Variants in TSPAN12 observed in about 807,000 individuals in gnomAD.
The protein encoded by TSPAN12 is tetraspanin-12.
In TSPAN12, 19 loss-of-function variants were observed where a neutral mutation model predicts 39.2. That is an observed-to-expected ratio of 0.49 (90% confidence interval 0.34 to 0.71). The LOEUF (loss-of-function observed/expected upper bound fraction) is 0.71, where lower values mean the gene tolerates loss of function less well. Ranked by LOEUF, TSPAN12 falls within the 30% of genes least tolerant of loss-of-function variation. The pLI is 0.01. For missense variants in TSPAN12, 314 were observed against 359.9 expected (o/e 0.87, Z 1.03); for synonymous variants, 119 against 124.8 (o/e 0.95, Z 0.31).
At chr7:120,836,001 A>G (rs945698575) in intron 4 of TSPAN12, among the ~76,000 whole-genome samples, 5 of 152,182 alleles carry the variant, frequency 3.3e-5, no homozygotes, top group African/African-American at 7.2e-5. Flanking sequence ...CTTGGTGTAC[A>G]TTTGAGGTGT....
intron 5 of TSPAN12, among the ~76,000 whole-genome samples, chr7:120,813,602 C>T (rs1229773482): frequency 6.6e-6 from 1 of 152,060 alleles, no homozygotes; most frequent in Non-Finnish European, 1.5e-5. Context: ...ACTCTAATGC[C>T]CATGTTTAAA....
chr7:120,835,689 A>T (rs1212681055), intron 4 of TSPAN12, among the ~76,000 whole-genome samples: 1 of 152,210 alleles, frequency 6.6e-6, no homozygotes, highest in Non-Finnish European at 1.5e-5. Context: ...ATTTAAAAAA[A>T]ATTCAGGTAA....
chr7:120,838,690 G>T, intron 4 of TSPAN12, 87 bp downstream of exon 4: 1 of 1,399,310 alleles, frequency 7.1e-7, no homozygotes, highest in Non-Finnish European at 1.0e-6. Context: ...TGCTATCACT[G>T]CTCCCTAATC....
intron 4 of TSPAN12, among the ~76,000 whole-genome samples, chr7:120,827,399 CATAA>C (rs1220581161): frequency 6.6e-6 from 1 of 151,994 alleles, no homozygotes; most frequent in Admixed American, 6.6e-5. Context: ...GTTCCTAAAC[CATAA>C]ATATTTTTAT....
intron 7 of TSPAN12, among the ~76,000 whole-genome samples, chr7:120,802,532 TG>T (rs1231610451): frequency 6.6e-6 from 1 of 152,172 alleles, no homozygotes; most frequent in Non-Finnish European, 1.5e-5. Flanking sequence ...GTTAAACGTA[TG>T]TATCCGTAAC....
At position 120,788,403 on chromosome 7, in the gene TSPAN12, A is replaced by G; in HGVS notation, c.*189T>C. 1.5e-6 allele frequency: 1 copy of G among 661,830 alleles called. No individual in the cohort carries two copies. Among genetic ancestry groups the G allele is most frequent in the African/African-American group, 1.8e-5 (1 of 55,022 alleles). The allele number at this position is 661,830 out of a possible 1,614,324, so 41.0% of individuals were successfully genotyped here. ...CTTCAGCATTTTAAGGGCATCAATT[A>G]TTGTCCAGGTGGTGACTTATGACAT... is the stretch of plus-strand genomic sequence containing the variant. On this transcript the variant is annotated 3_prime_UTR_variant, in exon 8 of 8. Coordinates refer to ENST00000222747, the MANE Select transcript of TSPAN12 (RefSeq NM_012338.4).
intron 7 of TSPAN12, among the ~76,000 whole-genome samples, chr7:120,803,393 G>A (rs766752835): frequency 6.6e-6 from 1 of 151,976 alleles, no homozygotes; most frequent in South Asian, 2.1e-4. Context: ...TTCTCCTTTT[G>A]GAACCCTCAT....
chr7:120,830,105 C>T (rs141998199), intron 4 of TSPAN12, among the ~76,000 whole-genome samples: 49 of 152,038 alleles, frequency 3.2e-4, no homozygotes, highest in African/African-American at 1.1e-3. Context: ...GTTAAAAGAT[C>T]GATATGCTGA....
chr7:120,806,398 C>A lies in TSPAN12; in HGVS notation c.612+151G>T, dbSNP rs1793874392. The A allele has an allele frequency of 1.0e-5, 7 of 696,762 alleles. No homozygotes were observed. The East Asian group carries it at 1.9e-4, about 19-fold the overall frequency. 43.2% of individuals were successfully genotyped at this position (696,762 alleles called of 1,614,324 possible). ...TTTAGATTTTTATATTGTTTTTTAG[C>A]TTTCTTCTGCTTCTCCCCATATTAG... On this transcript the variant is annotated intron_variant, in intron 7 of 7. Coordinates refer to ENST00000222747, the MANE Select transcript of TSPAN12 (RefSeq NM_012338.4).
chr7:120,818,964 A>G (rs1794136849), intron 4 of TSPAN12, among the ~76,000 whole-genome samples: 1 of 152,082 alleles, frequency 6.6e-6, no homozygotes, highest in South Asian at 2.1e-4. Context: ...AAAAAATATT[A>G]TATTTGTATC....
chr7:120,810,607 C>T lies in TSPAN12; in HGVS notation c.361-37G>A, dbSNP rs763875873. ...AAGCAAAATATCAACAGCTGTAGCT[C>T]ACACACAGACACAGATTCACACACA... is the stretch of plus-strand genomic sequence containing the variant. On this transcript the variant is annotated intron_variant, in intron 5 of 7. Coordinates refer to ENST00000222747, the MANE Select transcript of TSPAN12 (RefSeq NM_012338.4). 4 of 964,606 alleles carry T rather than the reference C, an allele frequency of 4.1e-6. No homozygotes were observed. In the South Asian group the frequency reaches 5.2e-5, roughly 13 times the overall value. The allele number at this position is 964,606 out of a possible 1,614,324, so 59.8% of individuals were successfully genotyped here.
At chr7:120,801,412 T>TA (rs1793768293) in intron 7 of TSPAN12, among the ~76,000 whole-genome samples, 2 of 152,232 alleles carry the variant, frequency 1.3e-5, no homozygotes, top group South Asian at 4.1e-4. Context: ...TAAGAATATT[T>TA]AAAACTGTAA....
intron 5 of TSPAN12, among the ~76,000 whole-genome samples, chr7:120,815,130 T>C (rs1794054870): frequency 6.6e-6 from 1 of 152,208 alleles, no homozygotes; most frequent in Non-Finnish European, 1.5e-5. Flanking sequence ...CCTGTGGAAT[T>C]AAAGACATAT....
At chr7:120,833,093 T>C (rs1163771831) in intron 4 of TSPAN12, among the ~76,000 whole-genome samples, 1 of 152,118 alleles carries the variant, frequency 6.6e-6, no homozygotes, top group East Asian at 1.9e-4. Context: ...TTTGTAAAAT[T>C]AGTCTAATAG....
At chr7:120,816,144 C>T (rs117957822) in intron 4 of TSPAN12, among the ~76,000 whole-genome samples, 24 of 152,084 alleles carry the variant, frequency 1.6e-4, no homozygotes, top group Non-Finnish European at 2.5e-4. Context: ...TCAAAGTGGA[C>T]GAGGTGAAGT....
chr7:120,842,670 G>C (rs746244946), intron 2 of TSPAN12, among the ~76,000 whole-genome samples: 15 of 152,122 alleles, frequency 9.9e-5, no homozygotes, highest in Admixed American at 2.0e-4. Flanking sequence ...TTTTTAGAAA[G>C]ATGGGCAGTG....
intron 7 of TSPAN12, among the ~76,000 whole-genome samples, chr7:120,793,360 C>G (rs1413564220): frequency 1.3e-5 from 2 of 152,170 alleles, no homozygotes; most frequent in Admixed American, 1.3e-4. Context: ...TGTAGACATG[C>G]AATTGTATTG....
intron 4 of TSPAN12, among the ~76,000 whole-genome samples, chr7:120,822,143 AC>A (rs1335890040): frequency 6.6e-6 from 1 of 152,082 alleles, no homozygotes. Context: ...CTTGACACCC[AC>A]CTTCCTATTT....
In TSPAN12 at chr7:120,838,901, G is replaced by T; in HGVS notation, c.161C>A (p.Ala54Glu). Residue 54 changes from alanine to glutamate, a missense_variant, in exon 4 of 8, where the codon GCA becomes GAA. Coordinates refer to ENST00000222747, the MANE Select transcript of TSPAN12 (RefSeq NM_012338.4). ...TLTAETRVEE[A>E]VILTYFPVVH... is the part of the protein sequence containing the mutation. Reference sequence around the variant, plus strand: ...CACAGGAAAGTAAGTCAAAATGACTGCTTCCTCTACCCTGAAAGAAGAAAA... The same window carrying T: ...CACAGGAAAGTAAGTCAAAATGACTTCTTCCTCTACCCTGAAAGAAGAAAA... 1 of 1,613,876 alleles carries T rather than the reference G, an allele frequency of 6.2e-7. No homozygotes were observed. Among genetic ancestry groups the T allele is most frequent in the Non-Finnish European group, 8.5e-7 (1 of 1,179,928 alleles).
Sources: allele counts gnomAD v4.1 joint callset (sites outside exome capture counted in the v4.1 genomes callset), GRCh38; gene constraint gnomAD v4.1.1; transcripts MANE v1.5; gene names NCBI Gene and HGNC (gene_info 2026-07-23, HGNC 2026-07-21).